The following TEAD1 variants were observed in gnomAD, a reference collection of about 807,000 sequenced individuals.
TEAD1 encodes TEA domain transcription factor 1.
A neutral mutation model predicts 54.9 loss-of-function variants in TEAD1; 9 were observed. The observed-to-expected ratio is 0.16, with a 90% CI of 0.10 to 0.29. TEAD1 has a LOEUF of 0.29. Among genes scored for constraint, TEAD1 ranks in the 10% least tolerant of loss-of-function variants. The pLI is 1.00. For synonymous variants in TEAD1, 200 were observed against 187.8 expected (o/e 1.07, Z -0.53); for missense variants, 387 against 535.9 (o/e 0.72, Z 2.74).
intron 2 of TEAD1, among the ~76,000 whole-genome samples, chr11:12,722,582 A>C (rs1052458430): frequency 6.6e-6 from 1 of 152,150 alleles, no homozygotes; most frequent in African/African-American, 2.4e-5. Flanking sequence ...GGTTTCCCAA[A>C]TTCCTGATGG....
At chr11:12,934,828 CG>C (rs1564996610) in intron 12 of TEAD1, among the ~76,000 whole-genome samples, 1 of 152,006 alleles carries the variant, frequency 6.6e-6, no homozygotes, top group African/African-American at 2.4e-5. Context: ...GCACTTGTCA[CG>C]TAGTAATTCA....
chr11:12,675,953 AG>A (rs1943076503), intron 2 of TEAD1, among the ~76,000 whole-genome samples: 1 of 152,198 alleles, frequency 6.6e-6, no homozygotes, highest in South Asian at 2.1e-4. Flanking sequence ...GTTTCTCAGG[AG>A]GCTTGTTAAC....
intron 3 of TEAD1, among the ~76,000 whole-genome samples, chr11:12,812,919 A>G (rs1197238007): frequency 6.6e-6 from 1 of 152,234 alleles, no homozygotes; most frequent in East Asian, 1.9e-4. Context: ...CTAGACTGTT[A>G]AGAGGGGCTA....
At chr11:12,697,468 C>CA (rs1470822537) in intron 2 of TEAD1, among the ~76,000 whole-genome samples, 6 of 152,098 alleles carry the variant, frequency 3.9e-5, no homozygotes, top group Non-Finnish European at 7.4e-5. Context: ...TTTTAGATAA[C>CA]AGAGTAAAAA....
chr11:12,723,363 T>A (rs1944251111), intron 2 of TEAD1, among the ~76,000 whole-genome samples: 1 of 152,222 alleles, frequency 6.6e-6, no homozygotes, highest in Non-Finnish European at 1.5e-5. Context: ...AGGACCTAGC[T>A]GTGGTTGAGG....
intron 2 of TEAD1, among the ~76,000 whole-genome samples, chr11:12,753,643 A>C (rs988202294): frequency 6.6e-6 from 1 of 152,078 alleles, no homozygotes; most frequent in African/African-American, 2.4e-5. Flanking sequence ...AGGATGAAGG[A>C]TATGAGTCTC....
intron 10 of TEAD1, among the ~76,000 whole-genome samples, chr11:12,903,314 C>T (rs1460789769): frequency 6.6e-6 from 1 of 152,212 alleles, no homozygotes; most frequent in African/African-American, 2.4e-5. Context: ...ACCACAGGAT[C>T]TGTCAACCTA....
chr11:12,932,658 T>TTCCTG (rs781398393), intron 12 of TEAD1, among the ~76,000 whole-genome samples: 4 of 152,082 alleles, frequency 2.6e-5, no homozygotes, highest in Non-Finnish European at 5.9e-5. Context: ...AGGTGAAAAA[T>TTCCTG]TCCTGTCACC....
chr11:12,699,643 T>C (rs982759344), intron 2 of TEAD1, among the ~76,000 whole-genome samples: 3 of 152,220 alleles, frequency 2.0e-5, no homozygotes, highest in African/African-American at 7.2e-5. Context: ...ATTTACTCAC[T>C]AGATTATAAG....
intron 3 of TEAD1, among the ~76,000 whole-genome samples, chr11:12,842,559 C>T (rs1320435300): frequency 6.6e-6 from 1 of 152,274 alleles, no homozygotes; most frequent in African/African-American, 2.4e-5. Flanking sequence ...AGAGATTTCT[C>T]TGTCGTTTCT....
At chr11:12,806,686 T>C (rs951923383) in intron 3 of TEAD1, among the ~76,000 whole-genome samples, 10 of 152,232 alleles carry the variant, frequency 6.6e-5, no homozygotes, top group African/African-American at 2.2e-4. Context: ...TGAAACCGAG[T>C]AGTTTCAACC....
At chr11:12,686,126 T>C (rs1036182366) in intron 2 of TEAD1, among the ~76,000 whole-genome samples, 1 of 152,202 alleles carries the variant, frequency 6.6e-6, no homozygotes, top group African/African-American at 2.4e-5. Context: ...TTGCTTGTCT[T>C]GGCATAATCC....
chr11:12,737,553 A>T (rs1944563106), intron 2 of TEAD1, among the ~76,000 whole-genome samples: 1 of 152,180 alleles, frequency 6.6e-6, no homozygotes, highest in Non-Finnish European at 1.5e-5. Flanking sequence ...TTTGCCCTAA[A>T]GCTAAATTTA....
At chr11:12,934,347 A>T (rs1269809766) in intron 12 of TEAD1, among the ~76,000 whole-genome samples, 1 of 152,026 alleles carries the variant, frequency 6.6e-6, no homozygotes. Context: ...ATGAGAACAC[A>T]TGGACACAGG....
intron 2 of TEAD1, among the ~76,000 whole-genome samples, chr11:12,716,897 G>A (rs117784739): frequency 0.012 from 1,752 of 152,328 alleles, 15 homozygotes; most frequent in South Asian, 0.032. Context: ...CTGGCTCTGC[G>A]TTCCCGACAT....
In TEAD1 at chr11:12,908,883, G is replaced by GTTTTTGTTTTTTTTTTTTTTTTTTTTTTT. The variant is rs769023879; in HGVS notation, c.873+6775_873+6776insGTTTTTTTTTTTTTTTTTTTTTTTTTTTT. Reference sequence around the variant, plus strand: ...TATGTCAGTATACTTCAAATTATCTGTTTTTTTTTTTTTGAGACAGTGTTG... The same window carrying GTTTTTGTTTTTTTTTTTTTTTTTTTTTTT: ...TATGTCAGTATACTTCAAATTATCTGTTTTTGTTTTTTTTTTTTTTTTTTTTTTTTTTTTTTTTTTTTGAGACAGTGTTG... On this transcript the variant is annotated intron_variant, in intron 10 of 12. Coordinates refer to ENST00000527636, the MANE Select transcript of TEAD1 (RefSeq NM_021961.6). Among the ~76,000 whole-genome samples the GTTTTTGTTTTTTTTTTTTTTTTTTTTTTT allele has an allele frequency of 4.0e-3, 400 of 99,492 alleles. 9 individuals are homozygous for GTTTTTGTTTTTTTTTTTTTTTTTTTTTTT. The highest frequency in any genetic ancestry group is 8.1e-3 in the South Asian group (26 of 3,216). The allele number at this position is 99,492 out of a possible 152,430, so 65.3% of individuals were successfully genotyped here.
At chr11:12,810,734 G>C (rs891009605) in intron 3 of TEAD1, among the ~76,000 whole-genome samples, 1 of 152,140 alleles carries the variant, frequency 6.6e-6, no homozygotes, top group Non-Finnish European at 1.5e-5. Context: ...TGTCATTGTG[G>C]GGGAGTTCCT....
chr11:12,829,497 C>CT (rs1342126544), intron 3 of TEAD1, among the ~76,000 whole-genome samples: 1 of 152,160 alleles, frequency 6.6e-6, no homozygotes, highest in Non-Finnish European at 1.5e-5. Context: ...TAATGTTTGC[C>CT]TTTAGAAGTA....
chr11:12,686,945 T>C (rs1032088469), intron 2 of TEAD1, among the ~76,000 whole-genome samples: 1 of 152,166 alleles, frequency 6.6e-6, no homozygotes, highest in Admixed American at 6.5e-5. Flanking sequence ...CAATGGCGTC[T>C]AGACTTTGTT....
Sources: gnomAD v4.1 joint callset for allele counts (sites outside exome capture counted in the v4.1 genomes callset) on GRCh38, gnomAD v4.1.1 for gene constraint, MANE v1.5 for transcripts, NCBI Gene and HGNC (gene_info 2026-07-23, HGNC 2026-07-21) for gene names.